The following ZCWPW2 variants were observed in gnomAD, a reference collection of about 807,000 sequenced individuals.
ZCWPW2 encodes zinc finger CW-type PWWP domain protein 2.
ZCWPW2 carries 45 observed loss-of-function variants against 46.6 expected under a neutral mutation model. That is an observed-to-expected ratio of 0.96 (90% CI 0.76 to 1.24). ZCWPW2 has a LOEUF of 1.24. Ranked by LOEUF, ZCWPW2 falls within the 50% of genes most tolerant of loss-of-function variation. The pLI is 0.00. For missense variants in ZCWPW2, 429 were observed against 403.9 expected, an observed-to-expected ratio of 1.06 and a Z score of -0.53; for synonymous variants, 152 against 137.1, an observed-to-expected ratio of 1.11 and a Z score of -0.76.
chr3:28,409,733 C>G (rs1197382296), intron 2 of ZCWPW2, among the ~76,000 whole-genome samples: 2 of 151,930 alleles, frequency 1.3e-5, no homozygotes, highest in Non-Finnish European at 2.9e-5. Flanking sequence ...ATAACATAAA[C>G]TTGTCAAAAC....
At chr3:28,449,513 G>T (rs2125778222) in intron 4 of ZCWPW2, among the ~76,000 whole-genome samples, 1 of 152,258 alleles carries the variant, frequency 6.6e-6, no homozygotes, top group South Asian at 2.1e-4. Context: ...GCTGCCAGGG[G>T]CTGAGGGAAG....
intron 9 of ZCWPW2, among the ~76,000 whole-genome samples, chr3:28,522,307 A>G (rs1700745241): frequency 6.6e-6 from 1 of 152,194 alleles, no homozygotes; most frequent in African/African-American, 2.4e-5. Context: ...CATAGGAACA[A>G]ACACCCAAGG....
intron 5 of ZCWPW2, among the ~76,000 whole-genome samples, chr3:28,486,065 C>G (rs1699590739): frequency 6.6e-6 from 1 of 152,076 alleles, no homozygotes; most frequent in South Asian, 2.1e-4. Flanking sequence ...ATTTTCTTCC[C>G]TCTTAGCATA....
At chr3:28,515,687 A>G in intron 8 of ZCWPW2, 66 bp downstream of exon 8, 1 of 1,402,784 alleles carries the variant, frequency 7.1e-7, no homozygotes, top group Non-Finnish European at 9.8e-7. Flanking sequence ...ATGTAGTTGT[A>G]GTCCTTTGAA....
At chr3:28,417,349 G>T (rs1031218346) in intron 3 of ZCWPW2, among the ~76,000 whole-genome samples, 1 of 151,994 alleles carries the variant, frequency 6.6e-6, no homozygotes, top group African/African-American at 2.4e-5. Flanking sequence ...CCAATAACAG[G>T]CTCTGAAATT....
At chr3:28,372,596 C>A (rs541284262) in intron 1 of ZCWPW2, among the ~76,000 whole-genome samples, 1 of 152,248 alleles carries the variant, frequency 6.6e-6, no homozygotes, top group African/African-American at 2.4e-5. Flanking sequence ...GCATTATTTA[C>A]AACCTTTTTT....
In ZCWPW2 at chr3:28,382,673, A is replaced by G. The variant is rs550076140; in HGVS notation, c.-133-7825A>G. ...AAACTCTAAAGCTTAATCTAGTTTA[A>G]TAAAAGAGAAAAAAGGTACATATAA... On this transcript the variant is annotated intron_variant, in intron 1 of 9. Transcript: ENST00000383768. Among the ~76,000 whole-genome samples the G allele has an allele frequency of 3.2e-4, 49 of 152,300 alleles. 1 individual carries two copies. The South Asian group carries it at 4.4e-3, about 14-fold the overall frequency.
At chr3:28,510,026 G>A (rs992288896) in intron 6 of ZCWPW2, among the ~76,000 whole-genome samples, 2 of 152,154 alleles carry the variant, frequency 1.3e-5, no homozygotes, top group African/African-American at 4.8e-5. Context: ...TTTGCATGTG[G>A]ATATCCAGTT....
intron 9 of ZCWPW2, among the ~76,000 whole-genome samples, chr3:28,524,035 A>G (rs1700791440): frequency 6.6e-6 from 1 of 152,080 alleles, no homozygotes; most frequent in African/African-American, 2.4e-5. Flanking sequence ...AGTGAACCCT[A>G]TCTTTAATAA....
At chr3:28,369,685 G>T (rs1243349881) in intron 1 of ZCWPW2, among the ~76,000 whole-genome samples, 1 of 152,198 alleles carries the variant, frequency 6.6e-6, no homozygotes, top group Non-Finnish European at 1.5e-5. Context: ...CTTCAAAGCT[G>T]TCAGACAGGG....
rs191909330 is a variant in ZCWPW2, at chr3:28,481,893, A to G, written c.610+2962A>G. 9.9e-5 allele frequency among the ~76,000 whole-genome samples: 15 copies of G among 152,260 alleles called. 1 individual carries two copies. The highest frequency in any genetic ancestry group is 3.6e-4 in the African/African-American group (15 of 41,562). Reference sequence around the variant, plus strand: ...AGTGGAAAGTACAGAGAGTTCCCATATATCTCCTCCTCACAATCCCTAAAC... The same window carrying G: ...AGTGGAAAGTACAGAGAGTTCCCATGTATCTCCTCCTCACAATCCCTAAAC... On this transcript the variant is annotated intron_variant, in intron 5 of 9. Transcript: ENST00000383768.
chr3:28,388,351 T>C (rs57478135), intron 1 of ZCWPW2, among the ~76,000 whole-genome samples: 2 of 152,256 alleles, frequency 1.3e-5, no homozygotes, highest in African/African-American at 4.8e-5. Context: ...CTGACACCCA[T>C]ACACATCTCC....
rs73823994 is a variant in ZCWPW2, at chr3:28,524,727, G to A, written c.*39G>A. On this transcript the variant is annotated 3_prime_UTR_variant, in exon 10 of 10. Transcript: ENST00000383768. Reference sequence around the variant, plus strand: ...TTTCAAATTAATTATAAAAATATTGGCATCTTTATATTTATCCAAAGTTAA... The same window carrying A: ...TTTCAAATTAATTATAAAAATATTGACATCTTTATATTTATCCAAAGTTAA... 7,581 of 1,390,792 alleles carry A rather than the reference G, an allele frequency of 5.5e-3. 321 individuals carry two copies. The African/African-American group carries it at 0.094, about 17-fold the overall frequency. The allele number at this position is 1,390,792 out of a possible 1,614,324, so 86.2% of individuals were successfully genotyped here. A position where few individuals can be genotyped will look rare whatever the true frequency, so the allele number is the denominator to read the frequency against.
intron 6 of ZCWPW2, among the ~76,000 whole-genome samples, chr3:28,496,995 T>C (rs1174185088): frequency 6.7e-6 from 1 of 150,354 alleles, no homozygotes; most frequent in East Asian, 1.9e-4. Context: ...AGTACTTATA[T>C]ACATTATATA....
At chr3:28,430,830 C>CA (rs1697225883) in intron 3 of ZCWPW2, among the ~76,000 whole-genome samples, 1 of 152,094 alleles carries the variant, frequency 6.6e-6, no homozygotes, top group Admixed American at 6.6e-5. Context: ...CTCCTGCTGC[C>CA]ATGTGAAGAA....
At chr3:28,383,615 A>C (rs567174399) in intron 1 of ZCWPW2, among the ~76,000 whole-genome samples, 1 of 152,142 alleles carries the variant, frequency 6.6e-6, no homozygotes, top group Admixed American at 6.5e-5. Flanking sequence ...GTGTGTGTTA[A>C]AGCTGAGTGG....
Position 28,515,715 on chromosome 3 carries a change from CTGTGTGTGTG to C in ZCWPW2, c.784+116_784+125del, listed in dbSNP as rs10539082. The C allele has an allele frequency of 2.9e-4, 191 of 666,378 alleles. 1 individual carries two copies. Among genetic ancestry groups the C allele is most frequent in the African/African-American group, 2.8e-3 (139 of 50,458 alleles). 41.3% of individuals were successfully genotyped at this position (666,378 alleles called of 1,614,324 possible). On this transcript the variant is annotated intron_variant, in intron 8 of 9. Coordinates refer to ENST00000383768, the MANE Select transcript of ZCWPW2 (RefSeq NM_001040432.4). ...CCTTTGAAGGAAAAAAAAAGATTTC[CTGTGTGTGTG>C]TGTGTGTGTGTGTGTGTGTGTATAC...
intron 6 of ZCWPW2, among the ~76,000 whole-genome samples, chr3:28,496,536 G>C (rs1699995671): frequency 6.6e-6 from 1 of 151,868 alleles, no homozygotes; most frequent in Admixed American, 6.6e-5. Flanking sequence ...GTTTTTCTTA[G>C]TTCCTATTAA....
chr3:28,417,402 C>A (rs1407738447), intron 3 of ZCWPW2, among the ~76,000 whole-genome samples: 1 of 151,972 alleles, frequency 6.6e-6, no homozygotes, highest in Non-Finnish European at 1.5e-5. Flanking sequence ...AAGTCCAGGA[C>A]CAGATGGATT....
Sources: allele counts gnomAD v4.1 joint callset (sites outside exome capture counted in the v4.1 genomes callset), GRCh38; gene constraint gnomAD v4.1.1; transcripts MANE v1.5; gene names NCBI Gene and HGNC (gene_info 2026-07-23, HGNC 2026-07-21).